PYCR2: variants seen among roughly 807,000 people sequenced by gnomAD.
PYCR2 encodes the protein P5C reductase 2.
PYCR2 carries 17 observed loss-of-function variants against 23.4 expected under a neutral mutation model. The ratio of observed to expected loss-of-function variants is 0.73; its 90% CI spans 0.50 to 1.09. The LOEUF (loss-of-function observed/expected upper bound fraction) is 1.09, where lower values mean the gene tolerates loss of function less well. Among genes scored for constraint, PYCR2 ranks in the 50% least tolerant of loss-of-function variants. The pLI is 0.00. For missense variants in PYCR2, 380 were observed against 423.5 expected (o/e 0.90, Z 0.90); for synonymous variants, 172 against 176.6 (o/e 0.97, Z 0.21).
At position 225,920,586 on chromosome 1, in the gene PYCR2, A is replaced by T. The variant is rs761318122; in HGVS notation, c.832T>A (p.Ser278Thr). Reference sequence around the variant, plus strand: ...AGGGTCTTCTTAAGGGCAGCTGGGGAGATCTTTTCTTGGTCGGCCATGGAC... The same window carrying T: ...AGGGTCTTCTTAAGGGCAGCTGGGGTGATCTTTTCTTGGTCGGCCATGGAC... ...LQSMADQEKI[S>T]PAALKKTLLD... The change falls in exon 7 of 7, where the codon TCC (serine) becomes ACC (threonine). Residue 278 changes from serine (S) to threonine (T), a missense_variant. Transcript: ENST00000343818. The T allele has an allele frequency of 6.2e-7, 1 of 1,613,446 alleles. No individual in the cohort carries two copies. The highest frequency in any genetic ancestry group is 8.5e-7 in the Non-Finnish European group (1 of 1,179,506).
rs370131113 is a variant in PYCR2 at position 225,920,563 on chromosome 1, G to A, written c.855C>T (p.Thr285=). 1 of 1,609,492 alleles carries A rather than the reference G, an allele frequency of 6.2e-7. No homozygotes were observed. The change falls in exon 7 of 7, where the codon ACC becomes ACT. Residue 285 remains threonine (T), a synonymous_variant. Coordinates refer to ENST00000343818, the MANE Select transcript of PYCR2 (RefSeq NM_013328.4). ...EKISPAALKK[T]LLDRVKLESP... is the part of the protein sequence containing the mutation. Reference sequence around the variant, plus strand: ...ATTCCAGCTTCACTCTGTCTAAGAGGGTCTTCTTAAGGGCAGCTGGGGAGA... The same window carrying A: ...ATTCCAGCTTCACTCTGTCTAAGAGAGTCTTCTTAAGGGCAGCTGGGGAGA...
At chr1:225,923,869 C>A in intron 1 of PYCR2, 98 bp from the exon 2 acceptor site, 1 of 1,548,130 alleles carries the variant, frequency 6.5e-7, no homozygotes, top group Non-Finnish European at 8.8e-7. Flanking sequence ...CAGTGCCAGT[C>A]TCCCTCTCCC....
rs910012506 is a variant in PYCR2, at chr1:225,923,349, G to C, written c.138+352C>G. 1.5e-5 allele frequency: 10 copies of C among 684,696 alleles called. No individual in the cohort carries two copies. In the East Asian group the frequency reaches 1.0e-3, roughly 68 times the overall value. The allele number at this position is 684,696 out of a possible 1,614,324, so 42.4% of individuals were successfully genotyped here. ...GGAGGTTACAGTGAGCTGAGATCGC[G>C]CCACTGCACTCCAGCTTGGGCGACA... is the stretch of plus-strand genomic sequence containing the variant. On this transcript the variant is annotated intron_variant, in intron 2 of 6. Transcript: ENST00000343818.
At chr1:225,923,438 C>T in intron 2 of PYCR2, 2 of 1,325,858 alleles carry the variant, frequency 1.5e-6, no homozygotes, top group South Asian at 1.7e-5. Flanking sequence ...TACTATGTGC[C>T]AGGTGCTTTC....
rs1234357460 is a variant in PYCR2 at position 225,921,987 on chromosome 1, C to T, written c.411G>A (p.Thr137=). 7.4e-6 allele frequency: 12 copies of T among 1,614,012 alleles called. No individual in the cohort carries two copies. The East Asian group carries it at 8.9e-5, about 12-fold the overall frequency. Residue 137 remains threonine, a synonymous_variant, in exon 4 of 7, where the codon ACG becomes ACA. Transcript: ENST00000343818. The surrounding 1 kb of genome is among the most constrained non-coding windows in gnomAD (Gnocchi z 4.2). ...VVQEGATVYA[T]GTHALVEDGQ... is the part of the protein sequence containing the mutation. The stretch of plus-strand genomic sequence containing the variant: ...CATCCTCCACCAGGGCATGGGTGCC[C>T]GTGGCGTACACTGTAGCGCCTTCCT...
In PYCR2 at chr1:225,921,573, T is replaced by G. The variant is rs1159011591; in HGVS notation, c.612A>C (p.Gln204His). 1 of 1,614,016 alleles carries G rather than the reference T, an allele frequency of 6.2e-7. No homozygotes were observed. Among genetic ancestry groups the G allele is most frequent in the Non-Finnish European group, 8.5e-7 (1 of 1,180,002 alleles). Reference sequence around the variant, plus strand: ...TGACCAGCAAAGCCTGGGCCCCGAGTTGGATTGCCAGGCGCCGTGGCAAAC... The same window carrying G: ...TGACCAGCAAAGCCTGGGCCCCGAGGTGGATTGCCAGGCGCCGTGGCAAAC... The part of the protein sequence containing the change: ...KMGLPRRLAI[Q>H]LGAQALLGAA... The change falls in exon 5 of 7, where the codon CAA (glutamine) becomes CAC (histidine). Residue 204 changes from glutamine (Q) to histidine (H), a missense_variant. Gln to His is a conservative substitution (Grantham distance 24). Transcript: ENST00000343818. The surrounding 1 kb of genome is among the most constrained non-coding windows in gnomAD (Gnocchi z 4.2).
At chr1:225,922,972 G>A in intron 2 of PYCR2, 6 of 958,714 alleles carry the variant, frequency 6.3e-6, no homozygotes, top group Non-Finnish European at 7.5e-6. Flanking sequence ...CTTGGAATAT[G>A]TTTTTGGAGA....
rs774053734 is a variant in PYCR2 at position 225,924,068 on chromosome 1, G to A, written c.43C>T (p.Leu15=). The A allele has an allele frequency of 4.5e-5, 69 of 1,544,580 alleles. No individual in the cohort carries two copies. The highest frequency in any genetic ancestry group is 6.0e-5 in the Non-Finnish European group (69 of 1,147,788). ...FIGAGQLAYA[L]ARGFTAAGIL... ...CCTGCGGCCGTGAAGCCCCGCGCCA[G>A]AGCATAGGCCAGCTGGCCGGCCCCG... Residue 15 remains leucine, a synonymous_variant, in exon 1 of 7, where the codon CTG becomes TTG. Transcript: ENST00000343818.
Position 225,920,509 on chromosome 1 carries a change from G to A in PYCR2, c.909C>T (p.Ser303=), listed in dbSNP as rs372481510. Reference sequence around the variant, plus strand: ...TTCTTGTGAGGAGCTTCCCTGGGCTGGAGGGGGTCAGTGTGGAGACTGTGG... The same window carrying A: ...TTCTTGTGAGGAGCTTCCCTGGGCTAGAGGGGGTCAGTGTGGAGACTGTGG... ...ESPTVSTLTP[S]SPGKLLTRSL... The change falls in exon 7 of 7, where the codon TCC becomes TCT. Residue 303 remains serine, a synonymous_variant. Transcript: ENST00000343818. 9 of 1,534,422 alleles carry A rather than the reference G, an allele frequency of 5.9e-6. No individual in the cohort carries two copies. The highest frequency in any genetic ancestry group is 8.1e-6 in the Non-Finnish European group (9 of 1,117,060).
In PYCR2 at chr1:225,923,765, A is replaced by AATC. The variant is rs1371856112; in HGVS notation, c.73_74insGAT (p.Ile24_Leu25insArg). 2 of 1,614,070 alleles carry AATC rather than the reference A, an allele frequency of 1.2e-6. No individual in the cohort carries two copies. Among genetic ancestry groups the AATC allele is most frequent in the Non-Finnish European group, 1.7e-6 (2 of 1,180,034 alleles). On this transcript the variant is annotated inframe_insertion, in exon 2 of 7. Transcript: ENST00000343818. ...GCTGGCTATTATCTTGTGAGCCGAC[A>AATC]GGATGCCTGCAGAAGACAGAGCTTT... is the stretch of plus-strand genomic sequence containing the variant.
At chr1:225,923,171 A>G in intron 2 of PYCR2, 1 of 423,020 alleles carries the variant, frequency 2.4e-6, no homozygotes, top group Non-Finnish European at 3.2e-6. Context: ...GCACTTTGGG[A>G]GGCCAAGGCG....
Position 225,921,553 on chromosome 1 carries a change from A to G in PYCR2, c.632T>C (p.Leu211Pro). 6.2e-7 allele frequency: 1 copy of G among 1,614,214 alleles called. No individual in the cohort carries two copies. The highest frequency in any genetic ancestry group is 1.1e-5 in the South Asian group (1 of 91,080). ...LAIQLGAQAL[L>P]GAAKMLLDSE... ...AACATGCGGGGGAAAGATACTGACC[A>G]GCAAAGCCTGGGCCCCGAGTTGGAT... The change falls in exon 5 of 7, where the codon CTG becomes CCG. Residue 211 changes from leucine (L) to proline (P), a missense_variant and splice_region_variant. Transcript: ENST00000343818. The surrounding 1 kb of genome is among the most constrained non-coding windows in gnomAD (Gnocchi z 4.2).
Position 225,924,213 on chromosome 1 carries a change from G to T in PYCR2, c.-103C>A. On this transcript the variant is annotated 5_prime_UTR_variant, in exon 1 of 7. Transcript: ENST00000343818. ...GACAGCGCAGGGGCGAACGGGCGGCGTGCCGAGGACCGGCGAGCTAACAGC... is the reference window on the plus strand; with the variant it reads ...GACAGCGCAGGGGCGAACGGGCGGCTTGCCGAGGACCGGCGAGCTAACAGC... 2.3e-6 allele frequency: 3 copies of T among 1,315,268 alleles called. No homozygotes were observed. The highest frequency in any genetic ancestry group is 3.0e-5 in the African/African-American group (2 of 66,762). 81.5% of individuals were successfully genotyped at this position (1,315,268 alleles called of 1,614,324 possible).
At position 225,921,551 on chromosome 1, in the gene PYCR2, C is replaced by A; in HGVS notation, c.633+1G>T. 6 of 1,614,208 alleles carry A rather than the reference C, an allele frequency of 3.7e-6. No homozygotes were observed. Among genetic ancestry groups the A allele is most frequent in the Non-Finnish European group, 5.1e-6 (6 of 1,180,016 alleles). Reference sequence around the variant, plus strand: ...TGAACATGCGGGGGAAAGATACTGACCAGCAAAGCCTGGGCCCCGAGTTGG... The same window carrying A: ...TGAACATGCGGGGGAAAGATACTGAACAGCAAAGCCTGGGCCCCGAGTTGG... On this transcript the variant is annotated splice_donor_variant, in intron 5 of 6. Transcript: ENST00000343818. LOFTEE classifies it high-confidence loss of function. This position sits in a 1 kb window ranked among gnomAD's most constrained non-coding sequence, Gnocchi z 4.2.
rs756623578 is a variant in PYCR2, at chr1:225,921,423, C to T, written c.634-52G>A. 6.6e-7 allele frequency: 1 copy of T among 1,522,284 alleles called. No individual in the cohort carries two copies. Among genetic ancestry groups the T allele is most frequent in the Admixed American group, 1.7e-5 (1 of 57,730 alleles). 94.3% of individuals were successfully genotyped at this position (1,522,284 alleles called of 1,614,324 possible). A position where few individuals can be genotyped will look rare whatever the true frequency, so the allele number is the denominator to read the frequency against. On this transcript the variant is annotated intron_variant, in intron 5 of 6. Coordinates refer to ENST00000343818, the MANE Select transcript of PYCR2 (RefSeq NM_013328.4). The surrounding 1 kb of genome is among the most constrained non-coding windows in gnomAD (Gnocchi z 4.2). ...AGTTGCTGGTGTGCGTTGGAACAGGCTTCCCATACCCACTGCTCCTGCCCA... is the reference window on the plus strand; with the variant it reads ...AGTTGCTGGTGTGCGTTGGAACAGGTTTCCCATACCCACTGCTCCTGCCCA...
At chr1:225,923,905 A>T (rs1173115439) in intron 1 of PYCR2, 134 bp from the exon 2 acceptor site, 1 of 1,475,188 alleles carries the variant, frequency 6.8e-7, no homozygotes, top group Non-Finnish European at 9.2e-7. Context: ...AGGACAGAAG[A>T]CGCACTTGCT....
At chr1:225,923,911 T>C (rs761975348) in intron 1 of PYCR2, 133 bp downstream of exon 1, 4 of 1,473,070 alleles carry the variant, frequency 2.7e-6, no homozygotes, top group South Asian at 1.2e-5. Context: ...GAAGACGCAC[T>C]TGCTGCTCAA....
In PYCR2 at chr1:225,921,160, C is replaced by T. The variant is rs1464854319; in HGVS notation, c.797+48G>A. 3.2e-6 allele frequency: 5 copies of T among 1,548,538 alleles called. No individual in the cohort carries two copies. Among genetic ancestry groups the T allele is most frequent in the Middle Eastern group, 1.8e-4 (1 of 5,582 alleles). ...ATGGTGCTCAACCCAGCCCAGGGAC[C>T]AACCAGGACTGAAGGGTCTGGGACA... is the stretch of plus-strand genomic sequence containing the variant. On this transcript the variant is annotated intron_variant, in intron 6 of 6. Transcript: ENST00000343818. This position sits in a 1 kb window ranked among gnomAD's most constrained non-coding sequence, Gnocchi z 4.2.
rs113324645 is a variant in PYCR2 at position 225,921,575 on chromosome 1, G to A, written c.610C>T (p.Gln204Ter). The change falls in exon 5 of 7, where the codon CAA becomes TAA. Residue 204 changes from glutamine (Q) to a stop codon, truncating the protein, a stop_gained. Transcript: ENST00000343818. LOFTEE classifies it high-confidence loss of function. The surrounding 1 kb of genome is among the most constrained non-coding windows in gnomAD (Gnocchi z 4.2). ...ACCAGCAAAGCCTGGGCCCCGAGTT[G>A]GATTGCCAGGCGCCGTGGCAAACCC... ...KMGLPRRLAI[Q>*]LGAQALLGAA... 1.2e-6 allele frequency: 2 copies of A among 1,614,186 alleles called. No individual in the cohort carries two copies. Among genetic ancestry groups the A allele is most frequent in the South Asian group, 2.2e-5 (2 of 91,086 alleles).
Sources: gnomAD v4.1 joint callset for allele counts on GRCh38, gnomAD v4.1.1 for gene constraint, Gnocchi (gnomAD v3.1) non-coding constraint, MANE v1.5 for transcripts, NCBI Gene and HGNC (gene_info 2026-07-23, HGNC 2026-07-21) for gene names.